The following ZRANB1 variants were observed in gnomAD, a reference collection of about 807,000 sequenced individuals.
ZRANB1 encodes the protein zinc finger RANBP2-type containing 1, also known as ubiquitin thioesterase ZRANB1.
A neutral mutation model predicts 80.5 loss-of-function variants in ZRANB1; 16 were observed. The observed-to-expected ratio is 0.20, with a 90% CI of 0.13 to 0.30. The LOEUF (loss-of-function observed/expected upper bound fraction) is 0.30. ZRANB1 is among the 10% of genes least tolerant of loss of function. The probability of loss-of-function intolerance (pLI) is 1.00; values close to 1 mark genes in which losing one functional copy is unlikely to be tolerated. For missense variants in ZRANB1, 576 were observed against 862.6 expected (o/e 0.67, Z 4.16); for synonymous variants, 291 against 293.1 (o/e 0.99, Z 0.07).
rs763543810 is a variant in ZRANB1 at position 124,966,596 on chromosome 10, G to A, written c.817G>A (p.Val273Ile). 7 of 1,612,574 alleles carry A rather than the reference G, an allele frequency of 4.3e-6. No homozygotes were observed. In the South Asian group the frequency reaches 7.7e-5, roughly 18 times the overall value. Residue 273 changes from valine (V) to isoleucine (I), a missense_variant and splice_region_variant, in exon 2 of 9, where the codon GTT becomes ATT. Physicochemically the swap from Val to Ile is conservative, Grantham distance 29. Transcript: ENST00000359653. ...DWLFLNACVGVVEGDLAAIEA... is the reference protein window; with the variant it reads ...DWLFLNACVGIVEGDLAAIEA... Reference sequence around the variant, plus strand: ...TTCTATCTTGATGCTTGTTTTAGGGGTTGTAGAAGGTGATTTAGCTGCCAT... The same window carrying A: ...TTCTATCTTGATGCTTGTTTTAGGGATTGTAGAAGGTGATTTAGCTGCCAT...
At chr10:124,924,625 G>T in the ZRANB1 span, among the ~76,000 whole-genome samples, 2 of 151,890 alleles carry the variant, frequency 1.3e-5, no homozygotes, top group Admixed American at 1.3e-4. Flanking sequence ...CAAGGTTTAT[G>T]TTGTGGCATG....
Position 124,942,811 on chromosome 10 carries a change from G to A in ZRANB1, c.318G>A (p.Gln106=), listed in dbSNP as rs1951548371. ...LNWPRAIRCT[Q]CLSQRRTRSP... ...GGCCAAGAGCAATCAGATGTACCCA[G>A]TGCTTATCCCAACGTAGGACCAGGA... Residue 106 remains glutamine, a synonymous_variant, in exon 1 of 9, where the codon CAG becomes CAA. Coordinates refer to ENST00000359653, the MANE Select transcript of ZRANB1 (RefSeq NM_017580.3). 2 of 1,614,120 alleles carry A rather than the reference G, an allele frequency of 1.2e-6. No individual in the cohort carries two copies. The highest frequency in any genetic ancestry group is 1.6e-4 in the Middle Eastern group (1 of 6,084).
chr10:124,983,811 T>C lies in ZRANB1; in HGVS notation c.1908+123T>C, dbSNP rs1185230754. 1 of 713,994 alleles carries C rather than the reference T, an allele frequency of 1.4e-6. No homozygotes were observed. The highest frequency in any genetic ancestry group is 2.3e-6 in the Non-Finnish European group (1 of 434,986). The allele number at this position is 713,994 out of a possible 1,614,324, so 44.2% of individuals were successfully genotyped here. Reference sequence around the variant, plus strand: ...AATTTCTGAATGTGATGGTAGTAATTGCTGAAGGTACTAGCTATACTTTGA... The same window carrying C: ...AATTTCTGAATGTGATGGTAGTAATCGCTGAAGGTACTAGCTATACTTTGA... On this transcript the variant is annotated intron_variant, in intron 8 of 8. Transcript: ENST00000359653. This position sits in a 1 kb window ranked among gnomAD's most constrained non-coding sequence, Gnocchi z 6.2.
At chr10:124,965,078 C>G (rs774316360) in intron 1 of ZRANB1, among the ~76,000 whole-genome samples, 8 of 152,100 alleles carry the variant, frequency 5.3e-5, no homozygotes, top group Non-Finnish European at 7.4e-5. Flanking sequence ...AAAGGCTTGC[C>G]CCTTTGGGAA....
At chr10:124,923,766 T>G in the ZRANB1 span, among the ~76,000 whole-genome samples, 2 of 151,736 alleles carry the variant, frequency 1.3e-5, no homozygotes, top group South Asian at 4.1e-4. Context: ...TCAGATCTCC[T>G]GAGAACTCAC....
At chr10:124,975,372 T>C (rs1951867607) in intron 5 of ZRANB1, among the ~76,000 whole-genome samples, 1 of 152,206 alleles carries the variant, frequency 6.6e-6, no homozygotes, top group Non-Finnish European at 1.5e-5. Flanking sequence ...CTTCAAAATA[T>C]CAACATACAT....
chr10:124,958,484 G>A (rs1160423088), intron 1 of ZRANB1, among the ~76,000 whole-genome samples: 5 of 152,112 alleles, frequency 3.3e-5, no homozygotes, highest in East Asian at 3.8e-4. Context: ...AATAAAAATA[G>A]TTTGTAATCT....
the ZRANB1 span, among the ~76,000 whole-genome samples, chr10:124,920,808 C>T: frequency 1.3e-5 from 2 of 151,858 alleles, no homozygotes; most frequent in Non-Finnish European, 2.9e-5. Context: ...ATTTTGCTTC[C>T]CAACTAGTTT....
At chr10:124,926,330 A>G in the ZRANB1 span, among the ~76,000 whole-genome samples, 2 of 152,246 alleles carry the variant, frequency 1.3e-5, no homozygotes, top group South Asian at 4.1e-4. Context: ...TAATTTTTAA[A>G]AAAACTTTAG....
intron 5 of ZRANB1, among the ~76,000 whole-genome samples, chr10:124,980,030 A>G (rs1329973764): frequency 2.6e-5 from 4 of 152,186 alleles, no homozygotes; most frequent in Admixed American, 6.5e-5. Flanking sequence ...TTCCATATAC[A>G]TTTTAGGATA....
At chr10:124,917,382 G>A in the ZRANB1 span, 1 of 150,922 alleles carries the variant, frequency 6.6e-6, no homozygotes, top group African/African-American at 2.4e-5. Context: ...GCGCCCCAGG[G>A]GCGACCGCGT....
chr10:124,971,057 G>A (rs1000075745), intron 2 of ZRANB1, among the ~76,000 whole-genome samples: 10 of 151,888 alleles, frequency 6.6e-5, no homozygotes, highest in South Asian at 4.2e-4. Flanking sequence ...CTGCTGAGCC[G>A]AAGCAATCCA....
chr10:124,923,277 C>CAAAAACAAACAAA, the ZRANB1 span, among the ~76,000 whole-genome samples: 1 of 148,372 alleles, frequency 6.7e-6, no homozygotes, highest in Non-Finnish European at 1.5e-5. Context: ...GACTCTGTCT[C>CAAAAACAAACAAA]AAAAACAAAC....
chr10:124,975,486 T>G (rs1564966360), intron 5 of ZRANB1, among the ~76,000 whole-genome samples: 1 of 152,340 alleles, frequency 6.6e-6, no homozygotes, highest in East Asian at 1.9e-4. Context: ...TCACATTTCT[T>G]CAATTGTATC....
chr10:124,938,497 T>C (rs1219137445), upstream of ZRANB1, among the ~76,000 whole-genome samples: 7 of 151,280 alleles, frequency 4.6e-5, no homozygotes, highest in East Asian at 1.4e-3. Flanking sequence ...GGGCTAATTT[T>C]TGTATTTTTT....
the ZRANB1 span, among the ~76,000 whole-genome samples, chr10:124,919,473 G>A: frequency 0.026 from 4,026 of 152,066 alleles, 159 homozygotes; most frequent in African/African-American, 0.091. Flanking sequence ...CTTGAACGCC[G>A]GAGGCGGAGG....
In ZRANB1 at chr10:124,966,585, T is replaced by C. The variant is rs765038907; in HGVS notation, c.815-9T>C. 3.1e-6 allele frequency: 5 copies of C among 1,607,116 alleles called. No homozygotes were observed. The South Asian group carries it at 5.5e-5, about 18-fold the overall frequency. On this transcript the variant is annotated splice_polypyrimidine_tract_variant and intron_variant, in intron 1 of 8. Transcript: ENST00000359653. The stretch of plus-strand genomic sequence containing the variant: ...ATTAAATGCTTTTCTATCTTGATGC[T>C]TGTTTTAGGGGTTGTAGAAGGTGAT...
chr10:124,936,593 G>C, the ZRANB1 span, among the ~76,000 whole-genome samples: 1 of 152,176 alleles, frequency 6.6e-6, no homozygotes, highest in Non-Finnish European at 1.5e-5. Flanking sequence ...CGATCTTCAC[G>C]ATCCTGGTCT....
intron 1 of ZRANB1, among the ~76,000 whole-genome samples, chr10:124,949,341 T>C (rs1424795563): frequency 6.6e-6 from 1 of 151,816 alleles, no homozygotes; most frequent in Non-Finnish European, 1.5e-5. Context: ...TGAGATTTGG[T>C]TGGGGCTGTT....
Sources: gnomAD v4.1 joint callset for allele counts (sites outside exome capture counted in the v4.1 genomes callset) on GRCh38, gnomAD v4.1.1 for gene constraint, Gnocchi (gnomAD v3.1) non-coding constraint, MANE v1.5 for transcripts, NCBI Gene and HGNC (gene_info 2026-07-23, HGNC 2026-07-21) for gene names.